The following ZNF366 variants were observed in gnomAD, a reference collection of about 807,000 sequenced individuals.
The protein encoded by ZNF366 is zinc finger protein 366, also known as dendritic cell-specific transcript protein.
A neutral mutation model predicts 47.2 loss-of-function variants in ZNF366; 20 were observed. That is an observed-to-expected ratio of 0.42 (90% CI 0.30 to 0.62). The LOEUF (loss-of-function observed/expected upper bound fraction) is 0.62, where lower values mean the gene tolerates loss of function less well. Among genes scored for constraint, ZNF366 ranks in the 20% least tolerant of loss-of-function variants. The pLI, the probability that ZNF366 is intolerant of heterozygous loss-of-function variation, is 0.16. For missense variants in ZNF366, 987 were observed against 976.3 expected, an observed-to-expected ratio of 1.01 and a Z score of -0.15; for synonymous variants, 421 against 395.1, an observed-to-expected ratio of 1.07 and a Z score of -0.78.
chr5:72,469,308 T>C (rs1370543522), intron 1 of ZNF366, among the ~76,000 whole-genome samples: 2 of 152,286 alleles, frequency 1.3e-5, no homozygotes, highest in African/African-American at 4.8e-5. Flanking sequence ...TTTGTCAAAA[T>C]TTAAAGAACC....
rs751753752 is a variant in ZNF366, at chr5:72,456,419, C to T, written c.1509G>A (p.Lys503=). ...CACTGCCCACCTTGCATTTGAAAGGCTTCACGTCAGAGTGGACGATCATGT... is the reference window on the plus strand; with the variant it reads ...CACTGCCCACCTTGCATTTGAAAGGTTTCACGTCAGAGTGGACGATCATGT... ...KAHMIVHSDV[K]PFKCKLCGKE... Residue 503 remains lysine (K), a synonymous_variant, in exon 3 of 5, where the codon AAG becomes AAA. Transcript: ENST00000318442. 3.1e-6 allele frequency: 5 copies of T among 1,604,552 alleles called. No individual in the cohort carries two copies. In the African/African-American group the frequency reaches 4.0e-5, roughly 13 times the overall value.
intron 1 of ZNF366, 130 bp downstream of exon 1, chr5:72,507,121 G>A (rs1471956205): frequency 1.6e-6 from 1 of 615,402 alleles, no homozygotes; most frequent in Non-Finnish European, 2.0e-6. Context: ...TGAAATTCTG[G>A]GCCATCTATC....
At position 72,444,278 on chromosome 5, in the gene ZNF366, C is replaced by T. The variant is rs756906854; in HGVS notation, c.1713G>A (p.Gly571=). ...CGGCTGTCTGTGCCAGGGCGATTCT[C>T]CCCCTTCCCAGACCTGCAAGAGCAG... ...RGLHSQGLGR[G]RIALAQTAGV... Residue 571 remains glycine, a synonymous_variant, in exon 5 of 5, where the codon GGG becomes GGA. Coordinates refer to ENST00000318442, the MANE Select transcript of ZNF366 (RefSeq NM_152625.3). The T allele has an allele frequency of 2.5e-5, 41 of 1,610,428 alleles. No individual in the cohort carries two copies. The highest frequency in any genetic ancestry group is 3.1e-5 in the Non-Finnish European group (37 of 1,178,208).
rs540478422 is a variant in ZNF366, at chr5:72,505,323, TA to T, written c.-15+1927del. 4.9e-3 allele frequency among the ~76,000 whole-genome samples: 739 copies of T among 152,328 alleles called. 5 individuals are homozygous for T. The highest frequency in any genetic ancestry group is 8.0e-3 in the Non-Finnish European group (544 of 68,032). On this transcript the variant is annotated intron_variant, in intron 1 of 4. Transcript: ENST00000318442. ...CGATGGCTTTTATTCTTCGGGTAGC[TA>T]AAATTCATTTCCCCCAGTATCCAAG...
Position 72,498,771 on chromosome 5 carries a change from A to T in ZNF366, c.-15+8480T>A, listed in dbSNP as rs72761201. ...TTTTGGGTAGGCAGTGTGTGTATGT[A>T]TACACAAGTGTAAGGTACATGTACC... On this transcript the variant is annotated intron_variant, in intron 1 of 4. Coordinates refer to ENST00000318442, the MANE Select transcript of ZNF366 (RefSeq NM_152625.3). Among the ~76,000 whole-genome samples, 1,316 of 152,370 alleles carry T rather than the reference A, an allele frequency of 8.6e-3. 17 individuals carry two copies. Among genetic ancestry groups the T allele is most frequent in the South Asian group, 0.048 (230 of 4,826 alleles).
intron 1 of ZNF366, among the ~76,000 whole-genome samples, chr5:72,483,084 A>G (rs940555701): frequency 1.3e-5 from 2 of 152,128 alleles, no homozygotes; most frequent in African/African-American, 4.8e-5. Flanking sequence ...AGTAAAAATG[A>G]GTGCCTGCTG....
intron 1 of ZNF366, among the ~76,000 whole-genome samples, chr5:72,486,424 AAGGAAAC>A (rs1381070254): frequency 2.6e-5 from 4 of 152,198 alleles, no homozygotes; most frequent in African/African-American, 9.7e-5. Flanking sequence ...TGTGAGGCCC[AAGGAAAC>A]AGTTTGGATT....
In ZNF366 at chr5:72,442,542, A is replaced by G. The variant is rs181409958; in HGVS notation, c.*1214T>C. 6.6e-5 allele frequency: 10 copies of G among 152,240 alleles called. No individual in the cohort carries two copies. The highest frequency in any genetic ancestry group is 2.2e-4 in the African/African-American group (9 of 41,512). The allele number at this position is 152,240 out of a possible 1,614,324, so 9.4% of individuals were successfully genotyped here. A position where few individuals can be genotyped will look rare whatever the true frequency, so the allele number is the denominator to read the frequency against. On this transcript the variant is annotated 3_prime_UTR_variant, in exon 5 of 5. Transcript: ENST00000318442. ...GCTGTCAACTATTCTAGTACCCCAA[A>G]TAAGTCAGAGCTTAGATTTCTGGGA...
Position 72,460,695 on chromosome 5 carries a change from G to A in ZNF366, c.802C>T (p.Leu268=), listed in dbSNP as rs1236974944. The A allele has an allele frequency of 6.2e-7, 1 of 1,614,254 alleles. No individual in the cohort carries two copies. The highest frequency in any genetic ancestry group is 1.1e-5 in the South Asian group (1 of 91,090). ...CEKSYTSKYN[L]VTHILGHSGI... ...CTGTGGCCCAGGATGTGGGTGACCA[G>A]GTTGTACTTGGAGGTGTAGGACTTC... is the stretch of plus-strand genomic sequence containing the variant. Residue 268 remains leucine, a synonymous_variant, in exon 2 of 5, where the codon CTG becomes TTG. Transcript: ENST00000318442.
chr5:72,469,712 G>T (rs2112298), intron 1 of ZNF366, among the ~76,000 whole-genome samples: 1 of 152,032 alleles, frequency 6.6e-6, no homozygotes, highest in South Asian at 2.1e-4. Flanking sequence ...CATGTTCAGT[G>T]AACAATCTTC....
chr5:72,447,177 A>C, intron 4 of ZNF366, 66 bp downstream of exon 4: 2 of 1,580,522 alleles, frequency 1.3e-6, no homozygotes, highest in Non-Finnish European at 1.7e-6. Flanking sequence ...TGCCCCATAA[A>C]ACGAATTCAG....
At chr5:72,493,976 T>C (rs1744065200) in intron 1 of ZNF366, among the ~76,000 whole-genome samples, 1 of 145,876 alleles carries the variant, frequency 6.9e-6, no homozygotes, top group African/African-American at 2.5e-5. Flanking sequence ...TTTCACCATA[T>C]TGGCCAGGCC....
intron 1 of ZNF366, among the ~76,000 whole-genome samples, chr5:72,501,753 G>A (rs534234895): frequency 7.9e-5 from 12 of 152,250 alleles, no homozygotes; most frequent in South Asian, 6.2e-4. Context: ...ACAAATGACC[G>A]TTCTCTGTCT....
At chr5:72,482,116 T>C (rs1437849663) in intron 1 of ZNF366, among the ~76,000 whole-genome samples, 1 of 152,176 alleles carries the variant, frequency 6.6e-6, no homozygotes, top group Non-Finnish European at 1.5e-5. Flanking sequence ...ATCAGTCCAT[T>C]GGGAAGTACA....
chr5:72,505,349 G>A (rs1026962084), intron 1 of ZNF366, among the ~76,000 whole-genome samples: 1 of 152,278 alleles, frequency 6.6e-6, no homozygotes, highest in Admixed American at 6.5e-5. Flanking sequence ...CAGTATCCAA[G>A]AAATATTTTC....
chr5:72,498,473 T>C (rs1361021816), intron 1 of ZNF366, among the ~76,000 whole-genome samples: 2 of 152,254 alleles, frequency 1.3e-5, no homozygotes, highest in Non-Finnish European at 2.9e-5. Flanking sequence ...AGTAGCATTC[T>C]TTCCTGCGTT....
intron 1 of ZNF366, among the ~76,000 whole-genome samples, chr5:72,466,652 A>G (rs967210018): frequency 1.3e-5 from 2 of 152,236 alleles, no homozygotes; most frequent in African/African-American, 4.8e-5. Flanking sequence ...GGATGAGAGA[A>G]GAAATGGGTG....
chr5:72,505,241 C>A (rs1300038396), intron 1 of ZNF366, among the ~76,000 whole-genome samples: 1 of 152,158 alleles, frequency 6.6e-6, no homozygotes, highest in Non-Finnish European at 1.5e-5. Flanking sequence ...CCAACTCACT[C>A]TTTGGCGGTG....
At chr5:72,449,372 A>G (rs996544667) in intron 3 of ZNF366, among the ~76,000 whole-genome samples, 7 of 151,976 alleles carry the variant, frequency 4.6e-5, no homozygotes, top group African/African-American at 9.7e-5. Context: ...CAGCCTGCCA[A>G]GTAGCTGGGA....
Sources: allele counts gnomAD v4.1 joint callset (sites outside exome capture counted in the v4.1 genomes callset), GRCh38; gene constraint gnomAD v4.1.1; transcripts MANE v1.5; gene names NCBI Gene and HGNC (gene_info 2026-07-23, HGNC 2026-07-21).